Variants in DNAH9 observed in about 807,000 individuals in gnomAD.
DNAH9 encodes DNAH9 variant protein.
DNAH9 carries 345 observed loss-of-function variants against 471.6 expected under a neutral mutation model. That is an observed-to-expected ratio of 0.73 (90% CI 0.67 to 0.80). DNAH9 has a LOEUF of 0.80. Among genes scored for constraint, DNAH9 ranks in the 30% least tolerant of loss-of-function variants. DNAH9 has a pLI of 0.00. For missense variants in DNAH9, 5,407 were observed against 5,609.2 expected (o/e 0.96, Z 1.15); for synonymous variants, 2,093 against 2,123.6 (o/e 0.99, Z 0.40).
intron 17 of DNAH9, among the ~76,000 whole-genome samples, chr17:11,674,481 CATT>C (rs2074020443): frequency 6.6e-6 from 1 of 152,080 alleles, no homozygotes; most frequent in African/African-American, 2.4e-5. Context: ...TTTGGTGAGT[CATT>C]ATGTTTCCTT....
At chr17:11,907,228 T>G (rs1035840899) in intron 61 of DNAH9, among the ~76,000 whole-genome samples, 7 of 152,076 alleles carry the variant, frequency 4.6e-5, no homozygotes, top group African/African-American at 1.7e-4. Flanking sequence ...CCCAACACTT[T>G]GGGAGGCCAA....
intron 65 of DNAH9, among the ~76,000 whole-genome samples, chr17:11,935,812 A>G (rs1235504289): frequency 2.0e-5 from 3 of 152,074 alleles, no homozygotes; most frequent in Non-Finnish European, 4.4e-5. Context: ...AATTCATTAA[A>G]CTTAAGGGTA....
chr17:11,843,855 G>GTA (rs1329330705), intron 49 of DNAH9, among the ~76,000 whole-genome samples: 2 of 9,230 alleles, frequency 2.2e-4, no homozygotes, highest in Non-Finnish European at 4.4e-4. Context: ...GTGTGTGTGT[G>GTA]TGTGTGTGTA....
At position 11,719,361 on chromosome 17, in the gene DNAH9, G is replaced by T. The variant is rs756300062; in HGVS notation, c.5580G>T (p.Leu1860=). ...GCTACATCACCCTCACCCAGTCCCT[G>T]CACCTGACCATGAGTGGGGCTCCCG... is the stretch of plus-strand genomic sequence containing the variant. ...DRCYITLTQS[L]HLTMSGAPAG... The change falls in exon 27 of 69, where the codon CTG becomes CTT. Residue 1860 remains leucine, a synonymous_variant. Transcript: ENST00000262442. The T allele has an allele frequency of 6.2e-7, 1 of 1,614,062 alleles. No individual in the cohort carries two copies. Among genetic ancestry groups the T allele is most frequent in the Non-Finnish European group, 8.5e-7 (1 of 1,179,990 alleles).
chr17:11,716,263 A>G (rs929269322), intron 26 of DNAH9, among the ~76,000 whole-genome samples: 1 of 151,832 alleles, frequency 6.6e-6, no homozygotes, highest in African/African-American at 2.4e-5. Context: ...TTGTATTTTC[A>G]GTAAAGACGG....
chr17:11,781,253 T>C (rs1479759177), intron 39 of DNAH9, 79 bp downstream of exon 39: 1 of 1,477,140 alleles, frequency 6.8e-7, no homozygotes, highest in Non-Finnish European at 9.1e-7. Flanking sequence ...CTATTCTGCC[T>C]GAACGGCAAA....
intron 6 of DNAH9, among the ~76,000 whole-genome samples, chr17:11,625,842 A>T (rs569349006): frequency 9.2e-5 from 14 of 152,188 alleles, no homozygotes; most frequent in Admixed American, 2.0e-4. Flanking sequence ...TCTGTACCCC[A>T]TTACACATAT....
chr17:11,909,995 G>A (rs932315039), intron 61 of DNAH9, among the ~76,000 whole-genome samples: 9 of 152,244 alleles, frequency 5.9e-5, no homozygotes, highest in South Asian at 2.1e-4. Flanking sequence ...GGTGGCTCAC[G>A]CCTGTAATCC....
Position 11,698,462 on chromosome 17 carries a change from A to G in DNAH9, c.4873-1269A>G, listed in dbSNP as rs369609219. 1.7e-4 allele frequency among the ~76,000 whole-genome samples: 25 copies of G among 149,408 alleles called. No individual in the cohort carries two copies. The South Asian group carries it at 1.9e-3, about 11-fold the overall frequency. On this transcript the variant is annotated intron_variant, in intron 22 of 68. Transcript: ENST00000262442. ...TCCTTTTAAATTTTGGGATATTTTCATAGGTTCTATATTGTTGTTATTTTT... is the reference window on the plus strand; with the variant it reads ...TCCTTTTAAATTTTGGGATATTTTCGTAGGTTCTATATTGTTGTTATTTTT...
At chr17:11,797,918 G>A (rs1381697797) in intron 43 of DNAH9, 125 bp downstream of exon 43, 7 of 951,130 alleles carry the variant, frequency 7.4e-6, no homozygotes, top group Non-Finnish European at 7.8e-6. Flanking sequence ...TGCCTTAAAA[G>A]TCAAGATGGC....
At chr17:11,839,306 G>A (rs1405355915) in intron 49 of DNAH9, among the ~76,000 whole-genome samples, 1 of 151,964 alleles carries the variant, frequency 6.6e-6, no homozygotes, top group African/African-American at 2.4e-5. Context: ...CACGAGGTCA[G>A]GAGATCGAGA....
At chr17:11,692,799 G>A (rs1031937899) in intron 20 of DNAH9, among the ~76,000 whole-genome samples, 1 of 152,032 alleles carries the variant, frequency 6.6e-6, no homozygotes, top group Non-Finnish European at 1.5e-5. Context: ...ATATTGTAGA[G>A]ATTTGACAAA....
Position 11,757,652 on chromosome 17 carries a change from G to C in DNAH9, c.6955G>C (p.Asp2319His). ...TERANLTILF[D>H]KYLPTCLDTL... ...GAGAGCCAACTTAACCATTTTGTTC[G>C]ACAAGTATCTTCCAACCTGCCTAGA... The change falls in exon 35 of 69, where the codon GAC becomes CAC. Residue 2319 changes from aspartate (D) to histidine (H), a missense_variant. Around this residue, in one of 3 missense-constraint regions of DNAH9, gnomAD observed 4,636 missense variants for 4,900.3 expected, o/e 0.95. Coordinates refer to ENST00000262442, the MANE Select transcript of DNAH9 (RefSeq NM_001372.4). The C allele has an allele frequency of 1.9e-6, 3 of 1,614,086 alleles. No individual in the cohort carries two copies. The highest frequency in any genetic ancestry group is 2.5e-6 in the Non-Finnish European group (3 of 1,180,030).
rs139728867 is a variant in DNAH9, at chr17:11,822,570, C to T, written c.8983C>T (p.Arg2995Cys). 83 of 1,614,134 alleles carry T rather than the reference C, an allele frequency of 5.1e-5. No homozygotes were observed. In the South Asian group the frequency reaches 6.0e-4, roughly 12 times the overall value. ...PQQALESVSL[R>C]FLQNTEGIEP... The stretch of plus-strand genomic sequence containing the variant: ...GCAAGCATTGGAGTCTGTCAGCCTC[C>T]GCTTCTTGCAGAACACAGAGGGCAT... Residue 2995 changes from arginine (R) to cysteine (C), a missense_variant, in exon 47 of 69, where the codon CGC becomes TGC. By Grantham distance (180) the Arg-to-Cys change is radical. Around this residue, in one of 3 missense-constraint regions of DNAH9, gnomAD observed 4,636 missense variants for 4,900.3 expected, o/e 0.95. Coordinates refer to ENST00000262442, the MANE Select transcript of DNAH9 (RefSeq NM_001372.4).
intron 20 of DNAH9, among the ~76,000 whole-genome samples, chr17:11,692,318 A>G (rs1270287085): frequency 1.3e-5 from 2 of 152,172 alleles, no homozygotes; most frequent in African/African-American, 4.8e-5. Context: ...GGCACATACC[A>G]TTATGATTGT....
intron 41 of DNAH9, among the ~76,000 whole-genome samples, chr17:11,791,040 A>G (rs1194710964): frequency 1.3e-5 from 2 of 152,038 alleles, no homozygotes; most frequent in Non-Finnish European, 2.9e-5. Context: ...TACCTTTTCC[A>G]TTGCTCTTTA....
intron 67 of DNAH9, among the ~76,000 whole-genome samples, chr17:11,955,654 C>CAG (rs1975604381): frequency 6.6e-6 from 1 of 152,158 alleles, no homozygotes; most frequent in South Asian, 2.1e-4. Flanking sequence ...CACACATAGC[C>CAG]AGATCATAAG....
At chr17:11,924,616 CTTT>C (rs756191140) in intron 62 of DNAH9, among the ~76,000 whole-genome samples, 2 of 91,984 alleles carry the variant, frequency 2.2e-5, no homozygotes, top group East Asian at 4.5e-4. Context: ...ACTACTAACT[CTTT>C]TTTTTTTTTT....
At chr17:11,608,355 C>T (rs2072554848) in intron 2 of DNAH9, 30 bp downstream of exon 2, 8 of 1,522,390 alleles carry the variant, frequency 5.3e-6, no homozygotes, top group Non-Finnish European at 7.2e-6. Flanking sequence ...CCATATGGGC[C>T]TCTGAGATAT....
Sources: gnomAD v4.1 joint callset for allele counts (sites outside exome capture counted in the v4.1 genomes callset) on GRCh38, gnomAD v4.1.1 for gene constraint, gnomAD v4.1.1 regional missense constraint, MANE v1.5 for transcripts, NCBI Gene and HGNC (gene_info 2026-07-23, HGNC 2026-07-21) for gene names.